Variants in ACOXL observed in about 807,000 individuals in gnomAD.
The protein encoded by ACOXL is acyl-coenzyme A oxidase-like protein.
ACOXL carries 70 observed loss-of-function variants against 71.9 expected under a neutral mutation model. That is an observed-to-expected ratio of 0.97 (90% CI 0.80 to 1.19). ACOXL has a LOEUF of 1.19. Among genes scored for constraint, ACOXL ranks in the 50% most tolerant of loss-of-function variants. ACOXL has a pLI of 0.00. For synonymous variants in ACOXL, 253 were observed against 281.6 expected (o/e 0.90, Z 1.02); for missense variants, 703 against 736.3 (o/e 0.95, Z 0.52).
chr2:110,904,131 T>C (rs969317418), intron 10 of ACOXL, among the ~76,000 whole-genome samples: 4 of 152,004 alleles, frequency 2.6e-5, no homozygotes, highest in Non-Finnish European at 5.9e-5. Flanking sequence ...TGTCAGGGTC[T>C]TGGGCCAGAG....
chr2:110,997,344 C>T (rs1157083), intron 14 of ACOXL, among the ~76,000 whole-genome samples: 136,563 of 152,070 alleles, frequency 0.9, 61,573 homozygotes, highest in African/African-American at 0.97. Flanking sequence ...ATTATGCTAA[C>T]GGAAAAAAAA....
intron 10 of ACOXL, among the ~76,000 whole-genome samples, chr2:110,889,959 C>G (rs1300379201): frequency 6.6e-6 from 1 of 152,156 alleles, no homozygotes; most frequent in African/African-American, 2.4e-5. Context: ...TCTCCACATA[C>G]TAGCCATACT....
intron 17 of ACOXL, among the ~76,000 whole-genome samples, chr2:111,116,800 G>T (rs1006312531): frequency 2.1e-5 from 3 of 145,784 alleles, no homozygotes; most frequent in Non-Finnish European, 3.0e-5. Context: ...TAGTTTGGTA[G>T]CTTTTTTTCC....
intron 1 of ACOXL, among the ~76,000 whole-genome samples, chr2:110,740,115 C>T (rs1677333484): frequency 6.6e-6 from 1 of 152,164 alleles, no homozygotes; most frequent in Admixed American, 6.5e-5. Flanking sequence ...TTTGTGTTAT[C>T]TTAAACAATG....
At chr2:110,846,118 G>C (rs1691807267) in intron 10 of ACOXL, among the ~76,000 whole-genome samples, 1 of 152,102 alleles carries the variant, frequency 6.6e-6, no homozygotes, top group African/African-American at 2.4e-5. Flanking sequence ...TTGGCATCAA[G>C]ATTTGAGACT....
intron 12 of ACOXL, among the ~76,000 whole-genome samples, chr2:110,957,520 G>C (rs967083418): frequency 6.6e-6 from 1 of 152,192 alleles, no homozygotes; most frequent in African/African-American, 2.4e-5. Context: ...CTGGGACCCA[G>C]GTGTGGGCAG....
In ACOXL at chr2:110,992,386, A is replaced by G. The variant is rs538861260; in HGVS notation, c.1170-3507A>G. On this transcript the variant is annotated intron_variant, in intron 13 of 17. Transcript: ENST00000439055. ...CTGTGTACCGGGCACTTCTCTAAGC[A>G]TTGGTGATCAGCAGTTACTAGGGGC... is the stretch of plus-strand genomic sequence containing the variant. Among the ~76,000 whole-genome samples, 4 of 152,294 alleles carry G rather than the reference A, an allele frequency of 2.6e-5. No homozygotes were observed. The South Asian group carries it at 6.2e-4, about 24-fold the overall frequency.
At chr2:110,872,483 T>C (rs1023650861) in intron 10 of ACOXL, among the ~76,000 whole-genome samples, 1 of 152,226 alleles carries the variant, frequency 6.6e-6, no homozygotes. Flanking sequence ...GTCCGTCTCC[T>C]GGGGGTCTCC....
chr2:111,047,170 T>C (rs148641387), intron 15 of ACOXL, among the ~76,000 whole-genome samples: 16 of 152,206 alleles, frequency 1.1e-4, no homozygotes, highest in African/African-American at 2.6e-4. Flanking sequence ...GCTGGCTTGG[T>C]ATGGAAGTTG....
intron 12 of ACOXL, among the ~76,000 whole-genome samples, chr2:110,978,682 A>C (rs1017839595): frequency 6.6e-6 from 1 of 152,226 alleles, no homozygotes. Flanking sequence ...TAAGGTGTTT[A>C]TATCTAGTTT....
chr2:110,934,759 C>G (rs578241259), intron 12 of ACOXL, among the ~76,000 whole-genome samples: 58 of 152,234 alleles, frequency 3.8e-4, no homozygotes, highest in African/African-American at 1.3e-3. Flanking sequence ...CTAGCATGAT[C>G]ATTTCTTTTA....
chr2:110,829,431 T>G (rs979596151), intron 9 of ACOXL, among the ~76,000 whole-genome samples: 1 of 152,190 alleles, frequency 6.6e-6, no homozygotes, highest in Non-Finnish European at 1.5e-5. Context: ...AGTTGGTTCT[T>G]TCTCTTCTGA....
At chr2:110,828,097 A>G (rs976163668) in intron 9 of ACOXL, among the ~76,000 whole-genome samples, 2 of 152,082 alleles carry the variant, frequency 1.3e-5, no homozygotes, top group Non-Finnish European at 2.9e-5. Context: ...TAGCCTCCCA[A>G]GTAGCTTGGA....
intron 12 of ACOXL, among the ~76,000 whole-genome samples, chr2:110,949,997 C>T (rs75470028): frequency 6.6e-6 from 1 of 152,026 alleles, no homozygotes; most frequent in African/African-American, 2.4e-5. Context: ...TAACATAAGT[C>T]CTTGGCTTTT....
intron 11 of ACOXL, among the ~76,000 whole-genome samples, chr2:110,915,235 T>C (rs1156521659): frequency 4.0e-5 from 6 of 151,588 alleles, no homozygotes; most frequent in African/African-American, 1.2e-4. Context: ...ATTTAGATAG[T>C]CATGTGATTT....
chr2:110,989,812 G>C (rs192071962), intron 13 of ACOXL, among the ~76,000 whole-genome samples: 1 of 152,120 alleles, frequency 6.6e-6, no homozygotes, highest in African/African-American at 2.4e-5. Context: ...AGGCTGAGAC[G>C]GGTGGATCAC....
chr2:110,738,531 A>G (rs1677146137), intron 1 of ACOXL, among the ~76,000 whole-genome samples: 2 of 152,230 alleles, frequency 1.3e-5, no homozygotes, highest in East Asian at 1.9e-4. Flanking sequence ...GGTGCATGCC[A>G]TAACTTTCCA....
In ACOXL at chr2:110,977,800, G is replaced by A. The variant is rs140065231; in HGVS notation, c.1060-9308G>A. Among the ~76,000 whole-genome samples, 514 of 152,292 alleles carry A rather than the reference G, an allele frequency of 3.4e-3. 3 individuals carry two copies. The highest frequency in any genetic ancestry group is 4.8e-3 in the Non-Finnish European group (328 of 68,032). On this transcript the variant is annotated intron_variant, in intron 12 of 17. Transcript: ENST00000439055. ...TGTAGTTTTTCAAATTGGGGACTAT[G>A]AGTTCTTGACAAAATGTATTAATTT... is the stretch of plus-strand genomic sequence containing the variant.
At chr2:110,821,589 A>T (rs1387180376) in intron 9 of ACOXL, among the ~76,000 whole-genome samples, 1 of 152,148 alleles carries the variant, frequency 6.6e-6, no homozygotes. Context: ...TGCTGACTTA[A>T]AGTGTCCAAA....
Sources: allele counts gnomAD v4.1 joint callset (sites outside exome capture counted in the v4.1 genomes callset), GRCh38; gene constraint gnomAD v4.1.1; transcripts MANE v1.5; gene names NCBI Gene and HGNC (gene_info 2026-07-23, HGNC 2026-07-21).